Variants in DAB1 observed in about 807,000 individuals in gnomAD.
DAB1 encodes the protein disabled homolog 1.
DAB1 carries 15 observed loss-of-function variants against 64.6 expected under a neutral mutation model. That is an observed-to-expected ratio of 0.23 (90% confidence interval 0.16 to 0.36). DAB1 has a LOEUF of 0.36. Among genes scored for constraint, DAB1 ranks in the 10% least tolerant of loss-of-function variants. DAB1 has a pLI of 1.00. For missense variants in DAB1, 596 were observed against 706.7 expected, an observed-to-expected ratio of 0.84 and a Z score of 1.78; for synonymous variants, 235 against 251.9, an observed-to-expected ratio of 0.93 and a Z score of 0.64.
At chr1:57,373,979 A>C (rs1680702773) in intron 1 of DAB1, among the ~76,000 whole-genome samples, 1 of 152,204 alleles carries the variant, frequency 6.6e-6, no homozygotes, top group African/African-American at 2.4e-5. Flanking sequence ...AGAAGTATGC[A>C]CATTTTTTTT....
At chr1:57,322,895 G>A (rs970835270) in intron 1 of DAB1, among the ~76,000 whole-genome samples, 2 of 152,148 alleles carry the variant, frequency 1.3e-5, no homozygotes, top group Non-Finnish European at 2.9e-5. Context: ...ACCTCTGTGG[G>A]TGGGGCCCAA....
chr1:57,589,027 GGAGTTC>G (rs1290564356), intron 7 of DAB1, among the ~76,000 whole-genome samples: 1 of 152,188 alleles, frequency 6.6e-6, no homozygotes. Flanking sequence ...CCTGAGGTCA[GGAGTTC>G]GAGACCAGCC....
At chr1:58,545,931 C>G (rs566426297) in intron 1 of DAB1, among the ~76,000 whole-genome samples, 22 of 152,302 alleles carry the variant, frequency 1.4e-4, no homozygotes, top group Admixed American at 1.2e-3. Flanking sequence ...CCCCTTCACC[C>G]CGGCTGAGAA....
intron 6 of DAB1, among the ~76,000 whole-genome samples, chr1:57,659,565 C>T (rs867696987): frequency 6.6e-6 from 1 of 152,126 alleles, no homozygotes; most frequent in Non-Finnish European, 1.5e-5. Context: ...TTGAACAAGT[C>T]ACTTTCCTCC....
At chr1:58,366,090 A>G (rs1435880797) in intron 3 of DAB1, among the ~76,000 whole-genome samples, 2 of 152,172 alleles carry the variant, frequency 1.3e-5, no homozygotes, top group Non-Finnish European at 2.9e-5. Flanking sequence ...ATACAGTACT[A>G]TTCCTTAAGA....
chr1:57,264,463 G>T (rs1342244881), intron 2 of DAB1, among the ~76,000 whole-genome samples: 1 of 152,172 alleles, frequency 6.6e-6, no homozygotes, highest in Non-Finnish European at 1.5e-5. Flanking sequence ...ATCTGATCAT[G>T]GTCATATTTT....
chr1:58,421,826 G>T (rs1042829640), intron 3 of DAB1, among the ~76,000 whole-genome samples: 2 of 152,144 alleles, frequency 1.3e-5, no homozygotes, highest in African/African-American at 4.8e-5. Flanking sequence ...AGATTTGAAG[G>T]GCTGTCATGA....
At chr1:57,000,305 A>G (rs1645809204) in intron 14 of DAB1, among the ~76,000 whole-genome samples, 1 of 152,066 alleles carries the variant, frequency 6.6e-6, no homozygotes, top group Non-Finnish European at 1.5e-5. Context: ...CGGCCTCCCA[A>G]AGTGCTGAGA....
At chr1:57,763,296 A>G (rs756234270) in intron 6 of DAB1, among the ~76,000 whole-genome samples, 18 of 152,098 alleles carry the variant, frequency 1.2e-4, no homozygotes, top group Non-Finnish European at 2.1e-4. Flanking sequence ...GTGTAGATAC[A>G]TAGCCAGTAA....
chr1:57,356,709 C>A (rs1679136522), intron 1 of DAB1, among the ~76,000 whole-genome samples: 1 of 152,022 alleles, frequency 6.6e-6, no homozygotes, highest in Admixed American at 6.6e-5. Flanking sequence ...TTTGTAGGAA[C>A]AAAGCTCAGC....
chr1:58,416,407 T>C (rs1557753724), intron 3 of DAB1, among the ~76,000 whole-genome samples: 1 of 152,324 alleles, frequency 6.6e-6, no homozygotes, highest in East Asian at 1.9e-4. Flanking sequence ...TTAATAATAG[T>C]TATGATTCTT....
At chr1:57,899,261 T>G (rs565841764) in intron 5 of DAB1, among the ~76,000 whole-genome samples, 161 of 152,294 alleles carry the variant, frequency 1.1e-3, no homozygotes, top group African/African-American at 3.7e-3. Context: ...AAATAGAAGC[T>G]GTCTCATAAT....
intron 6 of DAB1, among the ~76,000 whole-genome samples, chr1:57,783,489 C>T (rs1464951103): frequency 6.6e-6 from 1 of 152,198 alleles, no homozygotes; most frequent in Non-Finnish European, 1.5e-5. Flanking sequence ...GCAAGCTTTT[C>T]TGCAAGTACT....
At chr1:57,391,638 T>G (rs566847) in intron 1 of DAB1, among the ~76,000 whole-genome samples, 62,409 of 151,942 alleles carry the variant, frequency 0.41, 13,390 homozygotes, top group African/African-American at 0.47. Flanking sequence ...AAGACTACAA[T>G]ACAGCTCACG....
At chr1:57,287,818 C>A (rs534616912) in intron 2 of DAB1, among the ~76,000 whole-genome samples, 2 of 45,676 alleles carry the variant, frequency 4.4e-5, no homozygotes, top group Non-Finnish European at 8.0e-5. Flanking sequence ...TTATTTGAGA[C>A]GGAGTCTCAT....
At chr1:57,021,968 C>T (rs1344529521) in intron 11 of DAB1, among the ~76,000 whole-genome samples, 1 of 152,180 alleles carries the variant, frequency 6.6e-6, no homozygotes, top group Non-Finnish European at 1.5e-5. Context: ...CAAAAGCCCC[C>T]ATGCTCTGGT....
chr1:58,545,901 C>T, intron 1 of DAB1, among the ~76,000 whole-genome samples: 1 of 152,114 alleles, frequency 6.6e-6, no homozygotes. Flanking sequence ...GGTTCTTAAG[C>T]TTCCAAATGT....
chr1:57,856,870 G>T (rs1234786621), intron 1 of DAB1, among the ~76,000 whole-genome samples: 2 of 152,216 alleles, frequency 1.3e-5, no homozygotes, highest in African/African-American at 4.8e-5. Flanking sequence ...CTATGGGGAT[G>T]TGAATGATAC....
chr1:57,463,617 C>T (rs11207041), intron 7 of DAB1, among the ~76,000 whole-genome samples: 1 of 151,836 alleles, frequency 6.6e-6, no homozygotes, highest in Non-Finnish European at 1.5e-5. Context: ...ACAGTTTCTT[C>T]GTGACAGAAT....
Sources: gnomAD v4.1 joint callset for allele counts (sites outside exome capture counted in the v4.1 genomes callset) on GRCh38, gnomAD v4.1.1 for gene constraint, MANE v1.5 for transcripts, NCBI Gene and HGNC (gene_info 2026-07-23, HGNC 2026-07-21) for gene names.